The following SPECC1 variants were observed in gnomAD, a reference collection of about 807,000 sequenced individuals.
The protein encoded by SPECC1 is cytospin-B.
SPECC1 carries 62 observed loss-of-function variants against 104.1 expected under a neutral mutation model. The observed-to-expected ratio is 0.60, with a 90% CI of 0.49 to 0.74. The LOEUF is 0.74. SPECC1 is among the 30% of genes least tolerant of loss of function. The pLI, the probability that SPECC1 is intolerant of heterozygous loss-of-function variation, is 0.00. For synonymous variants in SPECC1, 513 were observed against 501.6 expected (o/e 1.02, Z -0.30); for missense variants, 1,306 against 1,310.5 (o/e 1.00, Z 0.05).
chr17:20,260,279 G>A lies in SPECC1; in HGVS notation c.2925G>A (p.Lys975=), dbSNP rs777780082. ...RNALLKWCQK[K]TQGYANIDIT... is the part of the protein sequence containing the mutation. ...CTCTACTGAAATGGTGCCAGAAGAA[G>A]ACACAAGGTTATGCGGTAAGGGACA... Residue 975 remains lysine (K), a synonymous_variant, in exon 12 of 15, where the codon AAG becomes AAA. Coordinates refer to ENST00000395527, the MANE Select transcript of SPECC1 (RefSeq NM_001243439.2). 6.2e-7 allele frequency: 1 copy of A among 1,613,964 alleles called. No individual in the cohort carries two copies. Among genetic ancestry groups the A allele is most frequent in the Non-Finnish European group, 8.5e-7 (1 of 1,179,884 alleles).
chr17:20,193,935 G>C (rs1392126931), intron 3 of SPECC1, among the ~76,000 whole-genome samples: 1 of 152,184 alleles, frequency 6.6e-6, no homozygotes, highest in African/African-American at 2.4e-5. Context: ...GAATAAGCAG[G>C]TGTAGACTAA....
At position 20,182,199 on chromosome 17, in the gene SPECC1, A is replaced by G. The variant is rs2034952331; in HGVS notation, c.284-22134A>G. 2.1e-5 allele frequency among the ~76,000 whole-genome samples: 3 copies of G among 143,384 alleles called. No homozygotes were observed. The South Asian group carries it at 6.4e-4, about 31-fold the overall frequency. 94.1% of individuals were successfully genotyped at this position (143,384 alleles called of 152,430 possible). A position where few individuals can be genotyped will look rare whatever the true frequency, so the allele number is the denominator to read the frequency against. On this transcript the variant is annotated intron_variant, in intron 3 of 14. Transcript: ENST00000395527. ...CATGAACTTGGTTCACTGGAGCCTC[A>G]TCCTCCAGGGCCCAGGTGATTCTCT...
intron 1 of SPECC1, among the ~76,000 whole-genome samples, chr17:20,051,125 TTTCTTTCTTTCTTTCCTTCTTTCC>T (rs2045753058): frequency 2.6e-3 from 176 of 67,568 alleles, no homozygotes; most frequent in African/African-American, 7.6e-3. Context: ...TCTTTCTTTC[TTTCTTTCTTTCTTTCCTTCTTTCC>T]TTCTTTCCTT....
At chr17:20,079,065 C>T (rs992986430) in intron 1 of SPECC1, among the ~76,000 whole-genome samples, 3 of 152,092 alleles carry the variant, frequency 2.0e-5, no homozygotes, top group Non-Finnish European at 2.9e-5. Context: ...AATTTGGTGG[C>T]AGTATTTAAA....
chr17:20,080,714 C>T (rs756078016), intron 1 of SPECC1, among the ~76,000 whole-genome samples: 10 of 152,094 alleles, frequency 6.6e-5, no homozygotes, highest in African/African-American at 1.4e-4. Context: ...GAAAGGAAGT[C>T]CTCCTGGCTT....
At chr17:20,192,383 C>A (rs1228449568) in intron 3 of SPECC1, among the ~76,000 whole-genome samples, 1 of 152,040 alleles carries the variant, frequency 6.6e-6, no homozygotes, top group Non-Finnish European at 1.5e-5. Context: ...GGCTTGTGTT[C>A]TCATTCTTTT....
chr17:20,170,050 T>C (rs574374144), intron 3 of SPECC1, among the ~76,000 whole-genome samples: 7 of 152,364 alleles, frequency 4.6e-5, no homozygotes, highest in African/African-American at 1.2e-4. Flanking sequence ...AAAACACTTA[T>C]AGGGCTGTCC....
rs1482529481 is a variant in SPECC1 at position 20,028,054 on chromosome 17, AC to A, written c.-22+18631del. Among the ~76,000 whole-genome samples the A allele has an allele frequency of 7.9e-5, 12 of 152,314 alleles. No individual in the cohort carries two copies. In the East Asian group the frequency reaches 2.1e-3, roughly 27 times the overall value. ...TAAGAGTTTTACAGTCGTAACTCTT[AC>A]GTTTAAGTCATCAATTCATTTTTGA... On this transcript the variant is annotated intron_variant, in intron 1 of 14. Transcript: ENST00000395527.
intron 3 of SPECC1, among the ~76,000 whole-genome samples, chr17:20,118,175 A>G (rs1459793911): frequency 6.6e-6 from 1 of 151,962 alleles, no homozygotes; most frequent in Non-Finnish European, 1.5e-5. Flanking sequence ...CCGCTAATAC[A>G]TTAGCAAAAA....
chr17:20,022,514 A>T (rs528234107), intron 1 of SPECC1, among the ~76,000 whole-genome samples: 2 of 152,352 alleles, frequency 1.3e-5, no homozygotes, highest in East Asian at 3.8e-4. Context: ...TAACCTGAAT[A>T]GTCAATCTGC....
chr17:20,089,124 A>G (rs990663552), intron 1 of SPECC1, among the ~76,000 whole-genome samples: 7 of 152,222 alleles, frequency 4.6e-5, no homozygotes, highest in Non-Finnish European at 1.0e-4. Context: ...GCAGTAGGCC[A>G]GGGTTAGGCA....
chr17:20,184,111 A>G (rs554368096), intron 3 of SPECC1, among the ~76,000 whole-genome samples: 2 of 148,702 alleles, frequency 1.3e-5, no homozygotes, highest in East Asian at 2.1e-4. Context: ...AACCCGGGAA[A>G]TGGAGGTTGC....
rs187871569 is a variant in SPECC1, at chr17:20,120,178, T to C, written c.283+9616T>C. On this transcript the variant is annotated intron_variant, in intron 3 of 14. Transcript: ENST00000395527. ...CGAGGCAGGCGGATCACCTGAGATA[T>C]TTGGAGACCAGCCTGGCCAACATGG... Among the ~76,000 whole-genome samples the C allele has an allele frequency of 2.0e-5, 3 of 152,176 alleles. No individual in the cohort carries two copies. In the East Asian group the frequency reaches 5.8e-4, roughly 29 times the overall value.
In SPECC1 at chr17:20,110,375, C is replaced by G. The variant is rs566993284; in HGVS notation, c.148-52C>G. On this transcript the variant is annotated intron_variant, in intron 2 of 14. Transcript: ENST00000395527. ...CCATGCTCTGCTTGTTTATAGCGCT[C>G]CTTCCTGAAAACCACCTCTTCATCC... 4 of 1,558,822 alleles carry G rather than the reference C, an allele frequency of 2.6e-6. No homozygotes were observed. In the Admixed American group the frequency reaches 7.3e-5, roughly 28 times the overall value.
At chr17:20,012,241 G>A (rs2043968561) in intron 1 of SPECC1, among the ~76,000 whole-genome samples, 1 of 151,992 alleles carries the variant, frequency 6.6e-6, no homozygotes, top group South Asian at 2.1e-4. Context: ...AGTATATTGG[G>A]TATACAGTTC....
chr17:20,128,614 C>A (rs151226432), intron 3 of SPECC1, among the ~76,000 whole-genome samples: 315 of 152,192 alleles, frequency 2.1e-3, no homozygotes, highest in Middle Eastern at 6.8e-3. Context: ...GACCTGGTAG[C>A]TTGTCGATCT....
chr17:20,226,233 A>G (rs12051550), intron 4 of SPECC1, among the ~76,000 whole-genome samples: 18,165 of 152,262 alleles, frequency 0.12, 1,117 homozygotes, highest in Non-Finnish European at 0.13. Flanking sequence ...AAACAGTGGA[A>G]TACTATGCAC....
chr17:20,223,067 A>C (rs1382071948), intron 4 of SPECC1, among the ~76,000 whole-genome samples: 1 of 152,016 alleles, frequency 6.6e-6, no homozygotes, highest in African/African-American at 2.4e-5. Flanking sequence ...CTTGAGTATT[A>C]ATATTTTTCT....
At chr17:20,305,773 C>T in intron 13 of SPECC1, 3 of 416,850 alleles carry the variant, frequency 7.2e-6, no homozygotes, top group East Asian at 7.6e-5. Flanking sequence ...TATGAATTAC[C>T]TAAATCTTGA....
Sources: allele counts gnomAD v4.1 joint callset (sites outside exome capture counted in the v4.1 genomes callset), GRCh38; gene constraint gnomAD v4.1.1; transcripts MANE v1.5; gene names NCBI Gene and HGNC (gene_info 2026-07-23, HGNC 2026-07-21).